CFAP65: variants seen among roughly 807,000 people sequenced by gnomAD.
The protein encoded by CFAP65 is cilia and flagella associated protein 65.
A neutral mutation model predicts 208.0 loss-of-function variants in CFAP65; 155 were observed. The ratio of observed to expected loss-of-function variants is 0.75; its 90% CI spans 0.65 to 0.85. The LOEUF (loss-of-function observed/expected upper bound fraction) is 0.85. Ranked by LOEUF, CFAP65 falls within the 40% of genes least tolerant of loss-of-function variation. The pLI is 0.00. For missense variants in CFAP65, 2,294 were observed against 2,451.3 expected (o/e 0.94, Z 1.36); for synonymous variants, 970 against 986.3 (o/e 0.98, Z 0.31).
rs1159705816 is a variant in CFAP65, at chr2:219,031,148, C to T, written c.973G>A (p.Ala325Thr). Residue 325 changes from alanine to threonine, a missense_variant, in exon 8 of 35, where the codon GCG becomes ACG. Ala to Thr is a moderately conservative substitution (Grantham distance 58, BLOSUM62 0). Transcript: ENST00000341552. This position sits in a 1 kb window ranked among gnomAD's most constrained non-coding sequence, Gnocchi z 5.2. ...ATGCTGCTCCTCTGCCGGCTGCCCG[C>T]CCCGTACCAGCACGTGGCCTGCACC... ...YEVQATCWYG[A>T]GSRQRSSIQL... is the part of the protein sequence containing the mutation. 2.5e-6 allele frequency: 4 copies of T among 1,605,624 alleles called. No individual in the cohort carries two copies. The South Asian group carries it at 4.5e-5, about 18-fold the overall frequency.
rs747430780 is a variant in CFAP65, at chr2:219,031,675, G to T, written c.646-17C>A. 5.1e-6 allele frequency: 8 copies of T among 1,582,896 alleles called. No homozygotes were observed. Among genetic ancestry groups the T allele is most frequent in the South Asian group, 1.2e-5 (1 of 84,782 alleles). On this transcript the variant is annotated splice_polypyrimidine_tract_variant and intron_variant, in intron 6 of 34. Coordinates refer to ENST00000341552, the MANE Select transcript of CFAP65 (RefSeq NM_194302.4). This position sits in a 1 kb window ranked among gnomAD's most constrained non-coding sequence, Gnocchi z 5.2. ...GTACTCCTTCTGCAGTGTGAGGCGGGGCAGGGGCAGTCACCCATCAGTGGC... is the reference window on the plus strand; with the variant it reads ...GTACTCCTTCTGCAGTGTGAGGCGGTGCAGGGGCAGTCACCCATCAGTGGC...
chr2:219,037,736 A>C (rs1423754380), intron 4 of CFAP65, among the ~76,000 whole-genome samples: 4 of 152,152 alleles, frequency 2.6e-5, no homozygotes, highest in African/African-American at 9.7e-5. Flanking sequence ...CAGAGGACAG[A>C]GATGTCTTTT....
chr2:219,009,343 C>T lies in CFAP65; in HGVS notation c.4566+4G>A. 1 of 1,609,070 alleles carries T rather than the reference C, an allele frequency of 6.2e-7. No homozygotes were observed. Among genetic ancestry groups the T allele is most frequent in the Middle Eastern group, 1.7e-4 (1 of 6,054 alleles). ...CCCACTTTACCCCTGGGGCTGGTTC[C>T]TACCTTGCATACCAGGTCTGCACTG... On this transcript the variant is annotated splice_donor_region_variant and intron_variant, in intron 28 of 34. Coordinates refer to ENST00000341552, the MANE Select transcript of CFAP65 (RefSeq NM_194302.4).
chr2:219,014,276 T>C, intron 21 of CFAP65: 1 of 395,246 alleles, frequency 2.5e-6, no homozygotes, highest in Non-Finnish European at 4.5e-6. Context: ...ACTCAAGAAG[T>C]GAAGAGTGGG....
rs1465136738 is a variant in CFAP65 at position 219,013,940 on chromosome 2, C to T, written c.3707G>A (p.Cys1236Tyr). ...ELHQMRVQDN[C>Y]LFSISPKAGS... ...AGCCTTGGGGCTGATGGAGAAGAGGCAATTGTCCTGCACGCGCATCTGGTG... is the reference window on the plus strand; with the variant it reads ...AGCCTTGGGGCTGATGGAGAAGAGGTAATTGTCCTGCACGCGCATCTGGTG... The change falls in exon 22 of 35, where the codon TGC becomes TAC. Residue 1236 changes from cysteine to tyrosine, a missense_variant. Transcript: ENST00000341552. 6.2e-7 allele frequency: 1 copy of T among 1,613,840 alleles called. No homozygotes were observed. Among genetic ancestry groups the T allele is most frequent in the African/African-American group, 1.3e-5 (1 of 74,930 alleles).
At chr2:219,029,055 A>G (rs1947843200) in intron 11 of CFAP65, among the ~76,000 whole-genome samples, 1 of 152,200 alleles carries the variant, frequency 6.6e-6, no homozygotes, top group Non-Finnish European at 1.5e-5. Context: ...GCTCCAGGGA[A>G]GAATTAGTCT....
Position 219,027,719 on chromosome 2 carries a change from G to T in CFAP65, c.2142C>A (p.Arg714=). 1 of 1,614,076 alleles carries T rather than the reference G, an allele frequency of 6.2e-7. No individual in the cohort carries two copies. The part of the protein sequence containing the change: ...DVPPLKSMAM[R]LHFQPPHPNC... ...TGGGGTGAGGCGGCTGGAAGTGCAG[G>T]CGCATGGCCATGGACTTGAGTGGGG... The change falls in exon 13 of 35, where the codon CGC becomes CGA. Residue 714 remains arginine, a synonymous_variant. Coordinates refer to ENST00000341552, the MANE Select transcript of CFAP65 (RefSeq NM_194302.4).
intron 2 of CFAP65, among the ~76,000 whole-genome samples, chr2:219,040,012 T>TTTTATTTATTTATTTA (rs3082570): frequency 4.7e-5 from 7 of 148,968 alleles, no homozygotes; most frequent in African/African-American, 1.2e-4. Flanking sequence ...CTTAGAGGGA[T>TTTTATTTATTTATTTA]TTTATTTATT....
At chr2:219,024,496 G>A (rs1306030158) in intron 14 of CFAP65, among the ~76,000 whole-genome samples, 1 of 142,988 alleles carries the variant, frequency 7.0e-6, no homozygotes, top group African/African-American at 2.6e-5. Context: ...CAGGGGGGCG[G>A]GGGCACAGGC....
At chr2:219,028,428 G>A in intron 11 of CFAP65, 27 bp from the exon 12 acceptor site, 1 of 1,606,126 alleles carries the variant, frequency 6.2e-7, no homozygotes, top group South Asian at 1.1e-5. Flanking sequence ...TGTGTGGTGG[G>A]GCATGGGAGG....
intron 23 of CFAP65, 58 bp downstream of exon 23, chr2:219,013,461 C>G: frequency 6.4e-7 from 1 of 1,559,292 alleles, no homozygotes; most frequent in Non-Finnish European, 8.7e-7. Flanking sequence ...TGCTCCTGTC[C>G]AGCCAGCCCC....
Position 219,030,198 on chromosome 2 carries a change from G to A in CFAP65, c.1172C>T (p.Pro391Leu). 3 of 1,614,052 alleles carry A rather than the reference G, an allele frequency of 1.9e-6. No individual in the cohort carries two copies. In the Middle Eastern group the frequency reaches 4.9e-4, roughly 266 times the overall value. The change falls in exon 10 of 35, where the codon CCC becomes CTC. Residue 391 changes from proline to leucine, a missense_variant. Around this residue, in one of 2 missense-constraint regions of CFAP65, gnomAD observed 867 missense variants for 1,012.6 expected, o/e 0.86. Transcript: ENST00000341552. The stretch of plus-strand genomic sequence containing the variant: ...ATCCGGGGAAATTTCAATCCTGAAG[G>A]GGGCATTTACCTGTGTGGCCAAGCA... Reference protein sequence around the residue: ...RLHNPSAVNAPFRIEISPDEL... With the variant: ...RLHNPSAVNALFRIEISPDEL...
rs1945802881 is a variant in CFAP65 at position 219,004,590 on chromosome 2, C to T, written c.5052-135G>A. The T allele has an allele frequency of 2.3e-6, 2 of 881,202 alleles. No individual in the cohort carries two copies. The highest frequency in any genetic ancestry group is 3.4e-6 in the Non-Finnish European group (2 of 580,934). 54.6% of individuals were successfully genotyped at this position (881,202 alleles called of 1,614,324 possible). On this transcript the variant is annotated intron_variant, in intron 32 of 34. Transcript: ENST00000341552. The surrounding 1 kb of genome is among the most constrained non-coding windows in gnomAD (Gnocchi z 4.7). ...GAGGGGAGCCCTTGGTCAGTTGTTC[C>T]TCCTGTCCCTTCTTTCAAGGAAGAC...
chr2:219,033,985 CAACTA>C (rs1381845901), intron 5 of CFAP65: 4 of 151,906 alleles, frequency 2.6e-5, no homozygotes, highest in Non-Finnish European at 4.4e-5. Flanking sequence ...AGAAATAAAA[CAACTA>C]AAAAATATGT....
intron 11 of CFAP65, 40 bp downstream of exon 11, chr2:219,029,363 G>A (rs753367127): frequency 6.3e-7 from 1 of 1,588,990 alleles, no homozygotes; most frequent in Non-Finnish European, 8.6e-7. Flanking sequence ...CCCCAGGGGA[G>A]CCCCTCCTCC....
Position 219,032,319 on chromosome 2 carries a change from G to A in CFAP65, c.645+151C>T, listed in dbSNP as rs1013867907. The A allele has an allele frequency of 1.6e-6, 1 of 616,254 alleles. No homozygotes were observed. Among genetic ancestry groups the A allele is most frequent in the Non-Finnish European group, 2.8e-6 (1 of 354,170 alleles). 38.2% of individuals were successfully genotyped at this position (616,254 alleles called of 1,614,324 possible). On this transcript the variant is annotated intron_variant, in intron 6 of 34. Coordinates refer to ENST00000341552, the MANE Select transcript of CFAP65 (RefSeq NM_194302.4). The surrounding 1 kb of genome is among the most constrained non-coding windows in gnomAD (Gnocchi z 5.5). ...TCTGTCTAATGAGATGAGGGGCTAAGCCCTTGACGGGGCCTCCCAAGCTGG... is the reference window on the plus strand; with the variant it reads ...TCTGTCTAATGAGATGAGGGGCTAAACCCTTGACGGGGCCTCCCAAGCTGG...
Position 219,004,284 on chromosome 2 carries a change from C to T in CFAP65, c.5223G>A (p.Gly1741=), listed in dbSNP as rs892665423. Residue 1741 remains glycine, a synonymous_variant, in exon 33 of 35, where the codon GGG becomes GGA. Coordinates refer to ENST00000341552, the MANE Select transcript of CFAP65 (RefSeq NM_194302.4). The surrounding 1 kb of genome is among the most constrained non-coding windows in gnomAD (Gnocchi z 4.7). Reference sequence around the variant, plus strand: ...TGTCTTCCTTCGGCTGCTTGCCCTTCCCATCCTCCCAGCTGCTGGAGGGTA... The same window carrying T: ...TGTCTTCCTTCGGCTGCTTGCCCTTTCCATCCTCCCAGCTGCTGGAGGGTA... ...LPVPSSSWED[G]KGKQPKEDRP... 9.3e-6 allele frequency: 15 copies of T among 1,614,044 alleles called. No individual in the cohort carries two copies. Among genetic ancestry groups the T allele is most frequent in the Middle Eastern group, 1.6e-4 (1 of 6,084 alleles).
At chr2:219,028,683 C>T (rs1449812584) in intron 11 of CFAP65, among the ~76,000 whole-genome samples, 1 of 152,152 alleles carries the variant, frequency 6.6e-6, no homozygotes, top group African/African-American at 2.4e-5. Context: ...CCCACCCACC[C>T]TACTGCCAGC....
At chr2:219,028,440 G>C in intron 11 of CFAP65, 39 bp from the exon 12 acceptor site, 2 of 1,576,546 alleles carry the variant, frequency 1.3e-6, no homozygotes, top group Non-Finnish European at 1.7e-6. Flanking sequence ...CATGGGAGGG[G>C]TGGTAGGGCA....
Sources: allele counts gnomAD v4.1 joint callset (sites outside exome capture counted in the v4.1 genomes callset), GRCh38; gene constraint gnomAD v4.1.1; regional missense constraint gnomAD v4.1.1; non-coding constraint Gnocchi (gnomAD v3.1); transcripts MANE v1.5; gene names NCBI Gene and HGNC (gene_info 2026-07-23, HGNC 2026-07-21).